The following TEX26 variants were observed in gnomAD, a reference collection of about 807,000 sequenced individuals.
TEX26 encodes the protein testis expressed 26.
Under a neutral mutation model 35.3 loss-of-function variants are expected in TEX26, and 34 were observed. The observed-to-expected ratio is 0.96, with a 90% CI of 0.73 to 1.28. The LOEUF (loss-of-function observed/expected upper bound fraction) is 1.28. Among genes scored for constraint, TEX26 ranks in the 50% most tolerant of loss-of-function variants. The pLI, the probability that TEX26 is intolerant of heterozygous loss-of-function variation, is 0.00. For missense variants in TEX26, 371 were observed against 330.1 expected, an observed-to-expected ratio of 1.12 and a Z score of -0.96; for synonymous variants, 136 against 111.8, an observed-to-expected ratio of 1.22 and a Z score of -1.36.
chr13:30,933,987 AC>A lies in TEX26; in HGVS notation c.61+1212del, dbSNP rs567312269. On this transcript the variant is annotated intron_variant, in intron 1 of 6. Coordinates refer to ENST00000380473, the MANE Select transcript of TEX26 (RefSeq NM_152325.3). The stretch of plus-strand genomic sequence containing the variant: ...TATCTCTGACTTGGACTTTCTTCCT[AC>A]TTTTTCAGACCAGAATATCTAACTG... 5.3e-5 allele frequency: 8 copies of A among 152,332 alleles called. No individual in the cohort carries two copies. In the East Asian group the frequency reaches 1.4e-3, roughly 26 times the overall value. 9.4% of individuals were successfully genotyped at this position (152,332 alleles called of 1,614,324 possible).
chr13:30,967,766 T>C (rs1252671565), intron 5 of TEX26, among the ~76,000 whole-genome samples: 1 of 152,206 alleles, frequency 6.6e-6, no homozygotes, highest in African/African-American at 2.4e-5. Flanking sequence ...TTCATGATAG[T>C]TTCTGGAATA....
chr13:30,934,970 G>C (rs1478087914), intron 1 of TEX26, among the ~76,000 whole-genome samples: 1 of 152,246 alleles, frequency 6.6e-6, no homozygotes, highest in East Asian at 1.9e-4. Flanking sequence ...CCTCTTCCAA[G>C]TTGGTGGGGC....
chr13:30,958,618 C>T (rs1473349117), intron 4 of TEX26, among the ~76,000 whole-genome samples: 1 of 152,180 alleles, frequency 6.6e-6, no homozygotes, highest in Non-Finnish European at 1.5e-5. Context: ...CATCCTACAT[C>T]CCTTTTCCTG....
chr13:30,948,755 T>C (rs2138227340), intron 2 of TEX26, among the ~76,000 whole-genome samples: 1 of 152,322 alleles, frequency 6.6e-6, no homozygotes, highest in African/African-American at 2.4e-5. Context: ...TTAGATCCCA[T>C]TTGTCAATTT....
intron 6 of TEX26, among the ~76,000 whole-genome samples, chr13:30,970,846 G>A (rs750697333): frequency 7.9e-4 from 120 of 152,170 alleles, no homozygotes; most frequent in Non-Finnish European, 1.5e-3. Flanking sequence ...CAAGATACTG[G>A]GGTAAGCTGA....
At chr13:30,935,989 T>G (rs1194367401) in intron 1 of TEX26, among the ~76,000 whole-genome samples, 1 of 152,222 alleles carries the variant, frequency 6.6e-6, no homozygotes, top group Non-Finnish European at 1.5e-5. Flanking sequence ...TACACGAGGA[T>G]AATCCAGGAT....
At chr13:30,937,107 C>A in intron 1 of TEX26, 1 of 519,174 alleles carries the variant, frequency 1.9e-6, no homozygotes, top group Non-Finnish European at 2.5e-6. Flanking sequence ...GAGGGTGTGC[C>A]TGATCTGTAC....
rs754999338 is a variant in TEX26 at position 30,932,734 on chromosome 13, A to G, written c.19A>G (p.Arg7Gly). The change falls in exon 1 of 7, where the codon AGG (arginine) becomes GGG (glycine). Residue 7 changes from arginine (R) to glycine (G), a missense_variant. By Grantham distance (125) the Arg-to-Gly change is moderately radical. Transcript: ENST00000380473. MEQPGP[R>G]APDPSLCHHN... is the part of the protein sequence containing the mutation. ...GGGCAGAATGGAACAGCCTGGGCCC[A>G]GGGCTCCGGATCCCTCTCTCTGCCA... 47 of 1,613,638 alleles carry G rather than the reference A, an allele frequency of 2.9e-5. No homozygotes were observed. The East Asian group carries it at 1.0e-3, about 36-fold the overall frequency.
At chr13:30,956,508 A>G (rs1182001156) in intron 3 of TEX26, among the ~76,000 whole-genome samples, 1 of 152,132 alleles carries the variant, frequency 6.6e-6, no homozygotes, top group Non-Finnish European at 1.5e-5. Context: ...AGTTTTCCTC[A>G]GGGGCTCCCA....
In TEX26 at chr13:30,966,246, A is replaced by G. The variant is rs756968543; in HGVS notation, c.494A>G (p.His165Arg). The G allele has an allele frequency of 1.9e-6, 3 of 1,613,884 alleles. No homozygotes were observed. Among genetic ancestry groups the G allele is most frequent in the Non-Finnish European group, 1.7e-6 (2 of 1,179,988 alleles). ...SKAQKIKKSS[H>R]LSLEWKKLLP... ...GCTCAGAAGATTAAGAAAAGTTCTC[A>G]CTTGTCTCTGGAATGGAAAAAGTTA... The change falls in exon 5 of 7, where the codon CAC becomes CGC. Residue 165 changes from histidine (H) to arginine (R), a missense_variant. Transcript: ENST00000380473.
At chr13:30,972,493 A>G (rs1455859382) in intron 6 of TEX26, among the ~76,000 whole-genome samples, 1 of 152,200 alleles carries the variant, frequency 6.6e-6, no homozygotes, top group Middle Eastern at 3.2e-3. Flanking sequence ...TTCTTTGGTA[A>G]TAGACAATGC....
chr13:30,942,971 G>T (rs1335903665), intron 2 of TEX26, among the ~76,000 whole-genome samples: 2 of 151,930 alleles, frequency 1.3e-5, no homozygotes, highest in African/African-American at 4.8e-5. Context: ...TGGCTATTTG[G>T]GCTCTCTTTT....
chr13:30,969,122 C>G, intron 6 of TEX26, 76 bp downstream of exon 6: 1 of 1,328,872 alleles, frequency 7.5e-7, no homozygotes. Flanking sequence ...GTTCCAAGTT[C>G]TAGCCACTGG....
At chr13:30,957,899 C>T (rs1954197584) in intron 4 of TEX26, among the ~76,000 whole-genome samples, 1 of 152,220 alleles carries the variant, frequency 6.6e-6, no homozygotes, top group Non-Finnish European at 1.5e-5. Context: ...TAATAGGAGT[C>T]TGCCTTGGAG....
rs1263415785 is a variant in TEX26, at chr13:30,939,697, A to G, written c.65A>G (p.Asp22Gly). 1 of 1,613,896 alleles carries G rather than the reference A, an allele frequency of 6.2e-7. No homozygotes were observed. The highest frequency in any genetic ancestry group is 1.7e-5 in the Admixed American group (1 of 60,032). Residue 22 changes from aspartate to glycine, a missense_variant, in exon 2 of 7, where the codon GAT (aspartate) becomes GGT (glycine). Coordinates refer to ENST00000380473, the MANE Select transcript of TEX26 (RefSeq NM_152325.3). ...AACTGCTTTATTGTACTTTTAGCAGATGACCCCAACTGGGATTCCTATGCT... is the reference window on the plus strand; with the variant it reads ...AACTGCTTTATTGTACTTTTAGCAGGTGACCCCAACTGGGATTCCTATGCT... ...SLCHHNLQPT[D>G]DPNWDSYATT...
At chr13:30,974,636 CTTGAGTA>C (rs1201620576) in intron 6 of TEX26, among the ~76,000 whole-genome samples, 1 of 152,160 alleles carries the variant, frequency 6.6e-6, no homozygotes, top group Non-Finnish European at 1.5e-5. Context: ...TTGCTAATCC[CTTGAGTA>C]TTAAGTTTAC....
chr13:30,965,697 C>G (rs544354439), intron 4 of TEX26, among the ~76,000 whole-genome samples: 5 of 151,950 alleles, frequency 3.3e-5, no homozygotes, highest in African/African-American at 1.2e-4. Context: ...GCAGTGATGC[C>G]TAACCCTCCA....
intron 2 of TEX26, 150 bp downstream of exon 2, chr13:30,939,928 A>T: frequency 1.5e-6 from 1 of 676,172 alleles, no homozygotes; most frequent in Non-Finnish European, 2.5e-6. Flanking sequence ...CCTCTGCTCC[A>T]AGCATCCGTG....
At chr13:30,955,375 A>G (rs1033171945) in intron 3 of TEX26, among the ~76,000 whole-genome samples, 3 of 152,244 alleles carry the variant, frequency 2.0e-5, no homozygotes, top group Admixed American at 1.3e-4. Flanking sequence ...CAACAAATGC[A>G]TACGCAATCA....
Sources: gnomAD v4.1 joint callset for allele counts (sites outside exome capture counted in the v4.1 genomes callset) on GRCh38, gnomAD v4.1.1 for gene constraint, MANE v1.5 for transcripts, NCBI Gene and HGNC (gene_info 2026-07-23, HGNC 2026-07-21) for gene names.